Variants in PLCL1 observed in about 807,000 individuals in gnomAD.
PLCL1 encodes the protein inactive phospholipase C-like protein 1.
Under a neutral mutation model 84.4 loss-of-function variants are expected in PLCL1, and 41 were observed. The ratio of observed to expected loss-of-function variants is 0.49; its 90% confidence interval spans 0.38 to 0.63. PLCL1 has a LOEUF of 0.63. Among genes scored for constraint, PLCL1 ranks in the 30% least tolerant of loss-of-function variants. PLCL1 has a pLI of 0.00. For missense variants in PLCL1, 1,206 were observed against 1,367.8 expected (o/e 0.88, Z 1.87); for synonymous variants, 490 against 488.3 (o/e 1.00, Z -0.05).
At chr2:198,078,932 A>C (rs1312565594) in intron 1 of PLCL1, among the ~76,000 whole-genome samples, 1 of 152,074 alleles carries the variant, frequency 6.6e-6, no homozygotes, top group African/African-American at 2.4e-5. Context: ...GTGTAAGTAC[A>C]CTTAAGTACA....
intron 1 of PLCL1, among the ~76,000 whole-genome samples, chr2:197,979,070 T>C (rs1690049263): frequency 6.6e-6 from 1 of 152,220 alleles, no homozygotes; most frequent in South Asian, 2.1e-4. Context: ...GAACAATTTT[T>C]CAGTTGCTTG....
At chr2:197,871,959 A>G (rs918043605) in intron 1 of PLCL1, among the ~76,000 whole-genome samples, 1 of 152,106 alleles carries the variant, frequency 6.6e-6, no homozygotes, top group African/African-American at 2.4e-5. Context: ...GTGGGAAAGA[A>G]GTGGGGGCAG....
rs547425632 is a variant in PLCL1, at chr2:198,076,935, A to G, written c.241-6823A>G. ...TCTCCAGAACACTTAACTGCCAAAC[A>G]TGGATGTGATTTTGAGCATAGGCCC... On this transcript the variant is annotated intron_variant, in intron 1 of 5. Transcript: ENST00000428675. Among the ~76,000 whole-genome samples, 7 of 152,328 alleles carry G rather than the reference A, an allele frequency of 4.6e-5. No individual in the cohort carries two copies. The South Asian group carries it at 6.2e-4, about 14-fold the overall frequency.
At chr2:198,056,507 G>A (rs760755945) in intron 1 of PLCL1, among the ~76,000 whole-genome samples, 2 of 152,158 alleles carry the variant, frequency 1.3e-5, no homozygotes, top group Non-Finnish European at 2.9e-5. Flanking sequence ...TTTCCACTTC[G>A]TGATCTTGGG....
At chr2:197,907,395 C>T (rs994200205) in intron 1 of PLCL1, among the ~76,000 whole-genome samples, 14 of 152,096 alleles carry the variant, frequency 9.2e-5, no homozygotes, top group Non-Finnish European at 1.8e-4. Context: ...TGTGCTACCA[C>T]GCCTGGCTAA....
intron 1 of PLCL1, among the ~76,000 whole-genome samples, chr2:197,990,801 C>G (rs1690331518): frequency 6.6e-6 from 1 of 152,004 alleles, no homozygotes; most frequent in Non-Finnish European, 1.5e-5. Flanking sequence ...CAAAGGTGTA[C>G]TTTTTGGAAA....
At chr2:197,985,700 A>G (rs1015461148) in intron 1 of PLCL1, among the ~76,000 whole-genome samples, 1 of 152,196 alleles carries the variant, frequency 6.6e-6, no homozygotes, top group Non-Finnish European at 1.5e-5. Flanking sequence ...ATCATGGCAG[A>G]TTAGTTGTGG....
intron 1 of PLCL1, among the ~76,000 whole-genome samples, chr2:197,825,364 A>G (rs143944405): frequency 1.6e-4 from 24 of 152,174 alleles, no homozygotes; most frequent in Non-Finnish European, 1.0e-4. Context: ...TTTCAGTAGA[A>G]GGCATAGGCA....
At chr2:198,134,417 G>T (rs1256865553) in intron 5 of PLCL1, among the ~76,000 whole-genome samples, 1 of 152,096 alleles carries the variant, frequency 6.6e-6, no homozygotes, top group Non-Finnish European at 1.5e-5. Context: ...TTTTATAGCT[G>T]CCTTAGCCTC....
intron 1 of PLCL1, among the ~76,000 whole-genome samples, chr2:197,978,370 G>A (rs772806646): frequency 5.3e-5 from 8 of 152,144 alleles, no homozygotes; most frequent in Admixed American, 1.3e-4. Flanking sequence ...CCAGCTACTC[G>A]GGAGGCTGAG....
At chr2:198,016,409 T>C (rs1028040702) in intron 1 of PLCL1, among the ~76,000 whole-genome samples, 5 of 152,206 alleles carry the variant, frequency 3.3e-5, no homozygotes, top group Admixed American at 6.5e-5. Context: ...TCAAGTCCCA[T>C]GTGGCTGTCT....
In PLCL1 at chr2:198,103,851, A is replaced by G; in HGVS notation, c.3020A>G (p.His1007Arg). ...KAGMEFHEEL[H>R]NLGAKEGLKG... is the part of the protein sequence containing the mutation. ...GGGATGGAGTTCCATGAAGAACTTCATAATTTGGGGGCAAAAGAAGGCTTG... is the reference window on the plus strand; with the variant it reads ...GGGATGGAGTTCCATGAAGAACTTCGTAATTTGGGGGCAAAAGAAGGCTTG... The change falls in exon 5 of 6, where the codon CAT becomes CGT. Residue 1007 changes from histidine (H) to arginine (R), a missense_variant. Coordinates refer to ENST00000428675, the MANE Select transcript of PLCL1 (RefSeq NM_006226.4). 7 of 1,604,720 alleles carry G rather than the reference A, an allele frequency of 4.4e-6. No homozygotes were observed. Among genetic ancestry groups the G allele is most frequent in the Non-Finnish European group, 6.0e-6 (7 of 1,174,624 alleles).
intron 1 of PLCL1, among the ~76,000 whole-genome samples, chr2:198,026,383 A>C (rs1182664215): frequency 6.6e-6 from 1 of 152,164 alleles, no homozygotes; most frequent in African/African-American, 2.4e-5. Context: ...TTAATGGTTA[A>C]GTTTCTTATA....
chr2:197,846,610 A>T (rs185864151), intron 1 of PLCL1, among the ~76,000 whole-genome samples: 7 of 152,140 alleles, frequency 4.6e-5, no homozygotes, highest in Admixed American at 4.6e-4. Context: ...AGTCCCCTAA[A>T]CCTCAAGAAG....
intron 1 of PLCL1, among the ~76,000 whole-genome samples, chr2:198,060,055 G>A (rs562770511): frequency 6.6e-6 from 1 of 152,268 alleles, no homozygotes; most frequent in East Asian, 1.9e-4. Context: ...CACAGGTGCT[G>A]CTGACAGCTC....
intron 1 of PLCL1, among the ~76,000 whole-genome samples, chr2:197,815,298 C>G (rs985599737): frequency 6.6e-6 from 1 of 152,080 alleles, no homozygotes; most frequent in African/African-American, 2.4e-5. Context: ...ATGAATGGAA[C>G]AACAAAGCCT....
chr2:198,126,262 C>T lies in PLCL1; in HGVS notation c.3106-20518C>T, dbSNP rs759473494. Among the ~76,000 whole-genome samples, 48 of 152,122 alleles carry T rather than the reference C, an allele frequency of 3.2e-4. 1 individual carries two copies. The highest frequency in any genetic ancestry group is 2.1e-4 in the South Asian group (1 of 4,830). On this transcript the variant is annotated intron_variant, in intron 5 of 5. Transcript: ENST00000428675. The stretch of plus-strand genomic sequence containing the variant: ...CACCATTTCTCTTCTGTGCTTACCC[C>T]CCAACTCCTCTACAATCTAGAAGAC...
intron 1 of PLCL1, among the ~76,000 whole-genome samples, chr2:198,071,459 A>G (rs1692462443): frequency 6.6e-6 from 1 of 151,878 alleles, no homozygotes; most frequent in South Asian, 2.1e-4. Flanking sequence ...TTTATATTCA[A>G]TGTACTGTTG....
chr2:198,135,442 GAGCAAGGGAATAAACA>G (rs1358390021), intron 5 of PLCL1, among the ~76,000 whole-genome samples: 1 of 152,192 alleles, frequency 6.6e-6, no homozygotes, highest in Non-Finnish European at 1.5e-5. Context: ...AAAGAGCAGA[GAGCAAGGGAATAAACA>G]AGCAGTGACT....
Sources: gnomAD v4.1 joint callset for allele counts (sites outside exome capture counted in the v4.1 genomes callset) on GRCh38, gnomAD v4.1.1 for gene constraint, MANE v1.5 for transcripts, NCBI Gene and HGNC (gene_info 2026-07-23, HGNC 2026-07-21) for gene names.